The following VSIG10 variants were observed in gnomAD, a reference collection of about 807,000 sequenced individuals.
The protein encoded by VSIG10 is V-set and immunoglobulin domain-containing protein 10.
In VSIG10, 48 loss-of-function variants were observed where a neutral mutation model predicts 58.7. That is an observed-to-expected ratio of 0.82 (90% CI 0.65 to 1.04). VSIG10 has a LOEUF of 1.04. Among genes scored for constraint, VSIG10 ranks in the 50% least tolerant of loss-of-function variants. The probability of loss-of-function intolerance (pLI) is 0.00; values close to 1 mark genes in which losing one functional copy is unlikely to be tolerated. For missense variants in VSIG10, 628 were observed against 670.0 expected (o/e 0.94, Z 0.69); for synonymous variants, 260 against 267.1 (o/e 0.97, Z 0.26).
rs1792009390 is a variant in VSIG10, at chr12:118,066,532, C to G, written c.*107G>C. 7.9e-7 allele frequency: 1 copy of G among 1,260,128 alleles called. No homozygotes were observed. The highest frequency in any genetic ancestry group is 1.7e-5 in the Admixed American group (1 of 58,058). 78.1% of individuals were successfully genotyped at this position (1,260,128 alleles called of 1,614,324 possible). A position where few individuals can be genotyped will look rare whatever the true frequency, so the allele number is the denominator to read the frequency against. ...TGCTGAGACCCAAACATTGTTAGTG[C>G]AAGCCCCCGCCAGGGGTGCAGGTGG... is the stretch of plus-strand genomic sequence containing the variant. On this transcript the variant is annotated 3_prime_UTR_variant, in exon 9 of 9. Transcript: ENST00000359236.
At chr12:118,083,966 A>T (rs1322338821) in intron 2 of VSIG10, among the ~76,000 whole-genome samples, 1 of 151,958 alleles carries the variant, frequency 6.6e-6, no homozygotes, top group Non-Finnish European at 1.5e-5. Flanking sequence ...AAAAACACCA[A>T]AGAATTTGCC....
intron 4 of VSIG10, 117 bp downstream of exon 4, chr12:118,079,229 A>C (rs2032849806): frequency 7.2e-7 from 1 of 1,385,954 alleles, no homozygotes. Context: ...AAAGGGAAGG[A>C]ATTCAGTCCA....
Position 118,071,408 on chromosome 12 carries a change from G to GTGA in VSIG10, c.1280_1281insTCA (p.Ala427_Ile428insHis), listed in dbSNP as rs1392219861. The stretch of plus-strand genomic sequence containing the variant: ...AATGCAACAGAAGCCCTGAGATAAT[G>GTGA]GCCAGTCCCAGCAGAAGGAGGCTCA... On this transcript the variant is annotated inframe_insertion, in exon 6 of 9. Coordinates refer to ENST00000359236, the MANE Select transcript of VSIG10 (RefSeq NM_019086.6). The GTGA allele has an allele frequency of 6.2e-7, 1 of 1,613,806 alleles. No individual in the cohort carries two copies. The highest frequency in any genetic ancestry group is 8.5e-7 in the Non-Finnish European group (1 of 1,179,886).
rs963541813 is a variant in VSIG10 at position 118,064,187 on chromosome 12, T to C, written c.*2452A>G. On this transcript the variant is annotated 3_prime_UTR_variant, in exon 9 of 9. Coordinates refer to ENST00000359236, the MANE Select transcript of VSIG10 (RefSeq NM_019086.6). ...AAGCCCGAATTCTTCAAAAAATCCT[T>C]AAAACTTGAAGACCTGGATTTTACC... 1 of 152,186 alleles carries C rather than the reference T, an allele frequency of 6.6e-6. No homozygotes were observed. Among genetic ancestry groups the C allele is most frequent in the Non-Finnish European group, 1.5e-5 (1 of 68,030 alleles). 9.4% of individuals were successfully genotyped at this position (152,186 alleles called of 1,614,324 possible).
In VSIG10 at chr12:118,064,901, A is replaced by C. The variant is rs2032197027; in HGVS notation, c.*1738T>G. On this transcript the variant is annotated 3_prime_UTR_variant, in exon 9 of 9. Coordinates refer to ENST00000359236, the MANE Select transcript of VSIG10 (RefSeq NM_019086.6). ...CCAGTTCCTAGAATTGGAGAAAGGAAGTTCCCCTTTAAGCCCTAGGTCCTG... is the reference window on the plus strand; with the variant it reads ...CCAGTTCCTAGAATTGGAGAAAGGACGTTCCCCTTTAAGCCCTAGGTCCTG... 1 of 152,220 alleles carries C rather than the reference A, an allele frequency of 6.6e-6. No homozygotes were observed. The highest frequency in any genetic ancestry group is 2.1e-4 in the South Asian group (1 of 4,830). The allele number at this position is 152,220 out of a possible 1,614,324, so 9.4% of individuals were successfully genotyped here.
At chr12:118,068,686 C>T in intron 7 of VSIG10, 89 bp from the exon 8 acceptor site, 3 of 1,404,684 alleles carry the variant, frequency 2.1e-6, no homozygotes. Flanking sequence ...AGATTCTTTG[C>T]AACCCCATTA....
At chr12:118,084,477 T>A (rs1328302858) in intron 2 of VSIG10, among the ~76,000 whole-genome samples, 3 of 152,186 alleles carry the variant, frequency 2.0e-5, no homozygotes, top group Non-Finnish European at 4.4e-5. Context: ...ATATCACCTT[T>A]ATAGGCAAAA....
At position 118,064,841 on chromosome 12, in the gene VSIG10, G is replaced by A. The variant is rs1017680001; in HGVS notation, c.*1798C>T. The A allele has an allele frequency of 2.0e-5, 3 of 152,132 alleles. No homozygotes were observed. Among genetic ancestry groups the A allele is most frequent in the Non-Finnish European group, 2.9e-5 (2 of 68,066 alleles). The allele number at this position is 152,132 out of a possible 1,614,324, so 9.4% of individuals were successfully genotyped here. ...GACCTTCCCCAACCACACCTGCAGGGTTACTTCAGACAACCAGCTTCTCAT... is the reference window on the plus strand; with the variant it reads ...GACCTTCCCCAACCACACCTGCAGGATTACTTCAGACAACCAGCTTCTCAT... On this transcript the variant is annotated 3_prime_UTR_variant, in exon 9 of 9. Transcript: ENST00000359236.
chr12:118,071,034 A>T lies in VSIG10; in HGVS notation c.1346+18T>A, dbSNP rs1432713831. 6.2e-7 allele frequency: 1 copy of T among 1,601,154 alleles called. No individual in the cohort carries two copies. Among genetic ancestry groups the T allele is most frequent in the South Asian group, 1.1e-5 (1 of 88,382 alleles). ...GATGCGGGAATGGGTGTTTGGTTTGATTCTAGGGAACACTCACCTGGAAGT... is the reference window on the plus strand; with the variant it reads ...GATGCGGGAATGGGTGTTTGGTTTGTTTCTAGGGAACACTCACCTGGAAGT... On this transcript the variant is annotated intron_variant, in intron 7 of 8. Transcript: ENST00000359236.
intron 4 of VSIG10, among the ~76,000 whole-genome samples, chr12:118,077,603 G>A (rs1477196801): frequency 6.6e-6 from 1 of 152,050 alleles, no homozygotes; most frequent in Non-Finnish European, 1.5e-5. Context: ...AATGTGGGCT[G>A]GACTTATTTC....
At chr12:118,099,323 G>A (rs1299012509) in intron 1 of VSIG10, among the ~76,000 whole-genome samples, 1 of 151,606 alleles carries the variant, frequency 6.6e-6, no homozygotes, top group Non-Finnish European at 1.5e-5. Flanking sequence ...GCGGGTTGGG[G>A]TGGGGGGTCT....
rs185960540 is a variant in VSIG10, at chr12:118,069,042, C to T, written c.1347-445G>A. On this transcript the variant is annotated intron_variant, in intron 7 of 8. Transcript: ENST00000359236. ...TGCTATAGTTTATTTATCACCAGCT[C>T]ACTAGCTTGCCTACCCAGCCAGACT... 1.6e-3 allele frequency among the ~76,000 whole-genome samples: 243 copies of T among 152,288 alleles called. 2 individuals carry two copies. Among genetic ancestry groups the T allele is most frequent in the African/African-American group, 5.5e-3 (230 of 41,562 alleles).
At chr12:118,088,105 C>T (rs981317939) in intron 2 of VSIG10, among the ~76,000 whole-genome samples, 5 of 151,648 alleles carry the variant, frequency 3.3e-5, no homozygotes, top group East Asian at 2.0e-4. Context: ...ATTAGCCAGG[C>T]GTGGTGGCGC....
intron 5 of VSIG10, among the ~76,000 whole-genome samples, chr12:118,071,699 T>C (rs2032500837): frequency 6.6e-6 from 1 of 152,242 alleles, no homozygotes; most frequent in Non-Finnish European, 1.5e-5. Context: ...AAAATCTCTC[T>C]GTCTACCAAA....
At chr12:118,084,537 C>T (rs923408190) in intron 2 of VSIG10, among the ~76,000 whole-genome samples, 1 of 152,110 alleles carries the variant, frequency 6.6e-6, no homozygotes, top group South Asian at 2.1e-4. Context: ...ACGCAAAGAG[C>T]CCATCCCAGA....
chr12:118,093,921 T>TAA (rs2033371689), intron 2 of VSIG10, among the ~76,000 whole-genome samples: 1 of 151,622 alleles, frequency 6.6e-6, no homozygotes, highest in African/African-American at 2.4e-5. Flanking sequence ...AAAATAATAA[T>TAA]AATAAAATAA....
intron 4 of VSIG10, 143 bp downstream of exon 4, chr12:118,079,200 TAAA>T (rs1452343623): frequency 8.0e-7 from 1 of 1,244,052 alleles, no homozygotes; most frequent in African/African-American, 1.5e-5. Flanking sequence ...AAGTGAAACA[TAAA>T]GAAAAAGAAA....
At chr12:118,092,490 T>C (rs918696613) in intron 2 of VSIG10, among the ~76,000 whole-genome samples, 1 of 152,142 alleles carries the variant, frequency 6.6e-6, no homozygotes, top group Non-Finnish European at 1.5e-5. Flanking sequence ...TTGAAGCCCA[T>C]AGGATCTATG....
At chr12:118,082,497 CTAATA>C in intron 2 of VSIG10, 68 bp from the exon 3 acceptor site, 1 of 1,454,726 alleles carries the variant, frequency 6.9e-7, no homozygotes, top group Non-Finnish European at 9.3e-7. Context: ...CTTACCAACT[CTAATA>C]TATAAATGAA....
Sources: allele counts gnomAD v4.1 joint callset (sites outside exome capture counted in the v4.1 genomes callset), GRCh38; gene constraint gnomAD v4.1.1; transcripts MANE v1.5; gene names NCBI Gene and HGNC (gene_info 2026-07-23, HGNC 2026-07-21).